Variants in TENM2 observed in about 807,000 individuals in gnomAD.
The protein encoded by TENM2 is teneurin-2.
A neutral mutation model predicts 245.2 loss-of-function variants in TENM2; 52 were observed. The ratio of observed to expected loss-of-function variants is 0.21; its 90% CI spans 0.17 to 0.27. TENM2 has a LOEUF of 0.27. TENM2 is among the 10% of genes least tolerant of loss of function. TENM2 has a pLI of 1.00. For synonymous variants in TENM2, 1,363 were observed against 1,438.9 expected (o/e 0.95, Z 1.19); for missense variants, 3,046 against 3,666.8 (o/e 0.83, Z 4.37).
the TENM2 span, among the ~76,000 whole-genome samples, chr5:167,004,008 A>G: frequency 3.9e-5 from 6 of 152,332 alleles, no homozygotes; most frequent in East Asian, 1.2e-3. Flanking sequence ...TCCTTTGCTC[A>G]GGAATTGTAA....
the TENM2 span, among the ~76,000 whole-genome samples, chr5:167,159,944 C>T: frequency 0.045 from 6,807 of 152,208 alleles, 516 homozygotes; most frequent in African/African-American, 0.15. Context: ...CAAGAGGTTA[C>T]CATTCAGAAA....
intron 2 of TENM2, among the ~76,000 whole-genome samples, chr5:167,529,547 T>C (rs1771356415): frequency 6.6e-6 from 1 of 152,166 alleles, no homozygotes; most frequent in African/African-American, 2.4e-5. Context: ...CCAGCATATA[T>C]CTTAAGCCCA....
At chr5:167,469,653 C>T (rs772995035) in intron 2 of TENM2, among the ~76,000 whole-genome samples, 2 of 152,038 alleles carry the variant, frequency 1.3e-5, no homozygotes, top group Non-Finnish European at 2.9e-5. Flanking sequence ...TTTCTGATTG[C>T]AATTTAGGAT....
At chr5:167,370,125 G>A (rs1423469914) in intron 1 of TENM2, among the ~76,000 whole-genome samples, 2 of 152,022 alleles carry the variant, frequency 1.3e-5, no homozygotes, top group Non-Finnish European at 2.9e-5. Context: ...GGCAGATCAC[G>A]AGGTCAGGAG....
chr5:167,414,160 G>C (rs929200558), intron 2 of TENM2, among the ~76,000 whole-genome samples: 2 of 152,070 alleles, frequency 1.3e-5, no homozygotes, highest in African/African-American at 2.4e-5. Context: ...TTTAACAGAG[G>C]AAAGATTCAT....
intron 3 of TENM2, among the ~76,000 whole-genome samples, chr5:167,899,135 G>A (rs1775481347): frequency 6.6e-6 from 1 of 152,096 alleles, no homozygotes; most frequent in East Asian, 1.9e-4. Context: ...TGAAAGAAGA[G>A]CATTTGCTGA....
chr5:167,161,893 G>A, the TENM2 span, among the ~76,000 whole-genome samples: 3 of 152,252 alleles, frequency 2.0e-5, no homozygotes, highest in African/African-American at 7.2e-5. Flanking sequence ...GGGACGCCGG[G>A]TGCAGTGGCT....
At chr5:167,344,309 C>T (rs5011227) in intron 1 of TENM2, among the ~76,000 whole-genome samples, 23,920 of 83,272 alleles carry the variant, frequency 0.29, 2,796 homozygotes, top group East Asian at 0.52. Context: ...CACACACACA[C>T]ATATATATAT....
the TENM2 span, among the ~76,000 whole-genome samples, chr5:167,222,805 T>TA: frequency 6.6e-6 from 1 of 152,222 alleles, no homozygotes; most frequent in East Asian, 1.9e-4. Context: ...TATTGTATTC[T>TA]AAAAACATTG....
the TENM2 span, among the ~76,000 whole-genome samples, chr5:167,203,781 T>C: frequency 3.9e-5 from 6 of 151,988 alleles, no homozygotes; most frequent in African/African-American, 1.4e-4. Flanking sequence ...TATTTTTATA[T>C]ATTCTAAAAT....
intron 2 of TENM2, among the ~76,000 whole-genome samples, chr5:167,553,771 G>T (rs1773099509): frequency 6.6e-6 from 1 of 152,162 alleles, no homozygotes. Flanking sequence ...AAGCTGTTGG[G>T]GTAGAGGGGA....
chr5:167,963,723 T>A (rs184309913), intron 4 of TENM2, among the ~76,000 whole-genome samples: 63 of 152,294 alleles, frequency 4.1e-4, no homozygotes, highest in Admixed American at 1.1e-3. Context: ...CCTCTCTGCA[T>A]TGCTCTCTTG....
At chr5:167,284,504 CA>C (rs1166224075), upstream of TENM2, among the ~76,000 whole-genome samples, 4 of 152,262 alleles carry the variant, frequency 2.6e-5, no homozygotes. Context: ...TCTGTGCATA[CA>C]AAAAATCTAA....
chr5:167,914,292 A>G (rs1321122945), intron 3 of TENM2, among the ~76,000 whole-genome samples: 7 of 152,242 alleles, frequency 4.6e-5, no homozygotes, highest in Non-Finnish European at 7.3e-5. Context: ...GCTAAAATCA[A>G]GGAGTCAGCA....
chr5:167,818,965 G>A lies in TENM2; in HGVS notation c.503-57021G>A, dbSNP rs962639135. On this transcript the variant is annotated intron_variant, in intron 2 of 28. Transcript: ENST00000518659. ...GGGCCTAGGGAACCAACACACTCACGTGACATCATCCCACAGGGCAATCTG... is the reference window on the plus strand; with the variant it reads ...GGGCCTAGGGAACCAACACACTCACATGACATCATCCCACAGGGCAATCTG... Among the ~76,000 whole-genome samples, 4 of 152,194 alleles carry A rather than the reference G, an allele frequency of 2.6e-5. No homozygotes were observed. The East Asian group carries it at 7.8e-4, about 30-fold the overall frequency.
At chr5:168,154,620 T>C (rs550569298) in intron 12 of TENM2, among the ~76,000 whole-genome samples, 55 of 152,212 alleles carry the variant, frequency 3.6e-4, no homozygotes, top group Non-Finnish European at 7.3e-4. Context: ...ACTGCCTTCC[T>C]TGTCCCATGC....
At position 167,433,508 on chromosome 5, in the gene TENM2, C is replaced by G. The variant is rs535400058; in HGVS notation, c.502+58035C>G. The stretch of plus-strand genomic sequence containing the variant: ...TTTTCCCCTCTTATGCTTTTTATTG[C>G]TGTTCTTGATTTTTTTGAGCTACTA... On this transcript the variant is annotated intron_variant, in intron 2 of 28. Coordinates refer to ENST00000518659, the Ensembl canonical transcript of TENM2. Among the ~76,000 whole-genome samples the G allele has an allele frequency of 2.7e-3, 407 of 152,134 alleles. 3 individuals carry two copies. Among genetic ancestry groups the G allele is most frequent in the African/African-American group, 9.3e-3 (386 of 41,526 alleles).
intron 7 of TENM2, among the ~76,000 whole-genome samples, chr5:168,073,675 G>GGC (rs1039123633): frequency 3.3e-5 from 5 of 152,180 alleles, no homozygotes; most frequent in Admixed American, 2.0e-4. Context: ...CAAGCTATGG[G>GGC]TTACCCTTCT....
chr5:167,665,533 A>G (rs181019187), intron 2 of TENM2, among the ~76,000 whole-genome samples: 51 of 152,280 alleles, frequency 3.3e-4, no homozygotes, highest in African/African-American at 1.2e-3. Context: ...TCAGGAAACA[A>G]TTGTTAAAAT....
Sources: gnomAD v4.1 joint callset for allele counts (sites outside exome capture counted in the v4.1 genomes callset) on GRCh38, gnomAD v4.1.1 for gene constraint, MANE v1.5 for transcripts, NCBI Gene and HGNC (gene_info 2026-07-23, HGNC 2026-07-21) for gene names.